The following CCDC188 variants were observed in gnomAD, a reference collection of about 807,000 sequenced individuals.
CCDC188 encodes coiled-coil domain-containing protein 188.
CCDC188 carries 37 observed loss-of-function variants against 50.7 expected under a neutral mutation model. The observed-to-expected ratio is 0.73, with a 90% confidence interval of 0.56 to 0.96. The LOEUF (loss-of-function observed/expected upper bound fraction) is 0.96. Among genes scored for constraint, CCDC188 ranks in the 40% least tolerant of loss-of-function variants. The probability of loss-of-function intolerance (pLI) is 0.00; values close to 1 mark genes in which losing one functional copy is unlikely to be tolerated. For missense variants in CCDC188, 453 were observed against 512.9 expected (o/e 0.88, Z 1.13); for synonymous variants, 208 against 228.0 (o/e 0.91, Z 0.79).
rs951524320 is a variant in CCDC188, at chr22:20,149,301, C to T, written c.915-57G>A. On this transcript the variant is annotated intron_variant, in intron 6 of 8. Transcript: ENST00000439765. ...CCTCCACCCCCAGCCTGGCACCCAC[C>T]CCCTGGCTCGGTGCTGTGGAGGTGG... The T allele has an allele frequency of 1.0e-5, 16 of 1,539,034 alleles. No homozygotes were observed. The African/African-American group carries it at 2.2e-4, about 21-fold the overall frequency.
chr22:20,149,569 G>C lies in CCDC188; in HGVS notation c.849+12C>G. On this transcript the variant is annotated intron_variant, in intron 5 of 8. Transcript: ENST00000439765. ...GCCCCGTCCTTCTGGGTGCTGCCCT[G>C]TGGGGACCTACCAGGAGCCCGGTGG... 1 of 1,550,224 alleles carries C rather than the reference G, an allele frequency of 6.5e-7. No individual in the cohort carries two copies. Among genetic ancestry groups the C allele is most frequent in the Middle Eastern group, 1.7e-4 (1 of 5,992 alleles).
At position 20,149,748 on chromosome 22, in the gene CCDC188, C is replaced by G; in HGVS notation, c.765G>C (p.Glu255Asp). 6.5e-7 allele frequency: 1 copy of G among 1,527,636 alleles called. No individual in the cohort carries two copies. The highest frequency in any genetic ancestry group is 8.8e-7 in the Non-Finnish European group (1 of 1,134,152). The allele number at this position is 1,527,636 out of a possible 1,614,324, so 94.6% of individuals were successfully genotyped here. A position where few individuals can be genotyped will look rare whatever the true frequency, so the allele number is the denominator to read the frequency against. Residue 255 changes from glutamate (E) to aspartate (D), a missense_variant, in exon 4 of 9, where the codon GAG (glutamate) becomes GAC (aspartate). Glu to Asp is a conservative substitution (Grantham distance 45). Coordinates refer to ENST00000439765, the MANE Select transcript of CCDC188 (RefSeq NM_001365892.2). ...NELQQIRLCF[E>D]RKKMVITEVW... The stretch of plus-strand genomic sequence containing the variant: ...CCTCTGTGATGACCATCTTCTTCCT[C>G]TCAAAGCACAGGCGGATCTGCTGCA...
intron 5 of CCDC188, 30 bp downstream of exon 5, chr22:20,149,551 C>T (rs2087280895): frequency 6.5e-7 from 1 of 1,550,060 alleles, no homozygotes; most frequent in Non-Finnish European, 8.7e-7. Context: ...CGGGCCCCGT[C>T]CTTCTGGGTG....
chr22:20,149,886 T>C (rs8142411), intron 3 of CCDC188, 69 bp downstream of exon 3: 110,077 of 1,488,166 alleles, frequency 0.074, 5,973 homozygotes, highest in African/African-American at 0.27. Context: ...CCCTAATGAA[T>C]CCCTCAGGCC....
In CCDC188 at chr22:20,149,454, C is replaced by G; in HGVS notation, c.872G>C (p.Gly291Ala). The G allele has an allele frequency of 1.3e-6, 2 of 1,550,202 alleles. No individual in the cohort carries two copies. Among genetic ancestry groups the G allele is most frequent in the Non-Finnish European group, 1.7e-6 (2 of 1,146,872 alleles). The stretch of plus-strand genomic sequence containing the variant: ...GATGTCCTCCATCTGGTCCAGCACG[C>G]CCCGGATGTCCTTCTTGAGGTTCTG... ...GLLNLKKDIRGVLDQMEDIQL... is the reference protein window; with the variant it reads ...GLLNLKKDIRAVLDQMEDIQL... The change falls in exon 6 of 9, where the codon GGC becomes GCC. Residue 291 changes from glycine (G) to alanine (A), a missense_variant. Transcript: ENST00000439765.
rs175180 is a variant in CCDC188 at position 20,148,585 on chromosome 22, C to T, written c.*29G>A. ...TCCGGGGCAGTGCTGGTCGCCTGGC[C>T]TCCTTGCTGGGGCCGCTGGGCCTCT... On this transcript the variant is annotated 3_prime_UTR_variant, in exon 9 of 9. Transcript: ENST00000439765. The T allele has an allele frequency of 0.037, 56,692 of 1,514,066 alleles. 1,655 individuals are homozygous for T. The highest frequency in any genetic ancestry group is 0.11 in the African/African-American group (7,657 of 71,486). 93.8% of individuals were successfully genotyped at this position (1,514,066 alleles called of 1,614,324 possible). A position where few individuals can be genotyped will look rare whatever the true frequency, so the allele number is the denominator to read the frequency against.
At position 20,148,577 on chromosome 22, in the gene CCDC188, C is replaced by T. The variant is rs1291896375; in HGVS notation, c.*37G>A. The T allele has an allele frequency of 9.3e-6, 14 of 1,505,738 alleles. No individual in the cohort carries two copies. Among genetic ancestry groups the T allele is most frequent in the Admixed American group, 6.7e-5 (3 of 45,046 alleles). 93.3% of individuals were successfully genotyped at this position (1,505,738 alleles called of 1,614,324 possible). On this transcript the variant is annotated 3_prime_UTR_variant, in exon 9 of 9. Coordinates refer to ENST00000439765, the MANE Select transcript of CCDC188 (RefSeq NM_001365892.2). ...ACTGGGCATCCGGGGCAGTGCTGGT[C>T]GCCTGGCCTCCTTGCTGGGGCCGCT... is the stretch of plus-strand genomic sequence containing the variant.
At position 20,150,615 on chromosome 22, in the gene CCDC188, T is replaced by A; in HGVS notation, c.372A>T (p.Ser124=). 4 of 1,543,572 alleles carry A rather than the reference T, an allele frequency of 2.6e-6. No individual in the cohort carries two copies. The highest frequency in any genetic ancestry group is 1.4e-5 in the African/African-American group (1 of 73,008). ...GTGGGCATGGGCAGGGTCTGGTCCC[T>A]GAGCCAATGGATCCCCCCTGCCTGG... is the stretch of plus-strand genomic sequence containing the variant. ...GAPRQGGSIG[S]GTRPCPCPPL... Residue 124 remains serine (S), a synonymous_variant, in exon 1 of 9, where the codon TCA becomes TCT. Transcript: ENST00000439765.
At position 20,149,236 on chromosome 22, in the gene CCDC188, G is replaced by A. The variant is rs2050571998; in HGVS notation, c.923C>T (p.Ala308Val). 2 of 1,492,848 alleles carry A rather than the reference G, an allele frequency of 1.3e-6. No homozygotes were observed. Among genetic ancestry groups the A allele is most frequent in the Non-Finnish European group, 1.8e-6 (2 of 1,118,152 alleles). 92.5% of individuals were successfully genotyped at this position (1,492,848 alleles called of 1,614,324 possible). The change falls in exon 7 of 9, where the codon GCC becomes GTC. Residue 308 changes from alanine (A) to valine (V), a missense_variant. Ala to Val is a moderately conservative substitution (Grantham distance 64). Transcript: ENST00000439765. ...CTTCCTGGCTCGAGTGCGGCACTGG[G>A]CCCGCTCCCTGCGGGGGCCTCACTG... is the stretch of plus-strand genomic sequence containing the variant. ...DIQLEILRER[A>V]QCRTRARKEK...
Position 20,150,191 on chromosome 22 carries a change from C to T in CCDC188, c.579G>A (p.Gln193=), listed in dbSNP as rs186847100. Residue 193 remains glutamine (Q), a synonymous_variant, in exon 2 of 9, where the codon CAG becomes CAA. Transcript: ENST00000439765. ...AGTGTTCGGGACACAGGGGCAGGAA[C>T]TGCTGCCCCGGCCCCAGGAGGGCCC... ...QLGALLGPGQ[Q]FLPLCPEHSS... is the part of the protein sequence containing the mutation. The T allele has an allele frequency of 3.7e-5, 58 of 1,548,596 alleles. No individual in the cohort carries two copies. Among genetic ancestry groups the T allele is most frequent in the Non-Finnish European group, 4.8e-5 (55 of 1,146,058 alleles).
intron 2 of CCDC188, 37 bp downstream of exon 2, chr22:20,150,106 G>C: frequency 6.5e-7 from 1 of 1,540,264 alleles, no homozygotes; most frequent in Non-Finnish European, 8.8e-7. Context: ...GGCTAGAGGG[G>C]CGTTGGCTGC....
rs781743027 is a variant in CCDC188, at chr22:20,149,717, C to T, written c.789+7G>A. The T allele has an allele frequency of 4.7e-5, 73 of 1,537,444 alleles. No homozygotes were observed. The highest frequency in any genetic ancestry group is 6.9e-5 in the African/African-American group (5 of 72,908). On this transcript the variant is annotated splice_region_variant and intron_variant, in intron 4 of 8. Transcript: ENST00000439765. Reference sequence around the variant, plus strand: ...CCAGCACCCCTCCCCCTCAGCCAGGCGGGCACCTCTGTGATGACCATCTTC... The same window carrying T: ...CCAGCACCCCTCCCCCTCAGCCAGGTGGGCACCTCTGTGATGACCATCTTC...
Position 20,148,693 on chromosome 22 carries a change from C to G in CCDC188, c.1130G>C (p.Ser377Thr), listed in dbSNP as rs994750164. 52 of 1,543,696 alleles carry G rather than the reference C, an allele frequency of 3.4e-5. No homozygotes were observed. The highest frequency in any genetic ancestry group is 3.8e-5 in the Non-Finnish European group (44 of 1,144,016). Reference protein sequence around the residue: ...PFEGLVPPLLSRATVWKLRAL... With the variant: ...PFEGLVPPLLTRATVWKLRAL... Reference sequence around the variant, plus strand: ...CCGGAGCTTCCAGACGGTGGCACGGCTCAGCAGGGGTGGCACCAGCCCCTC... The same window carrying G: ...CCGGAGCTTCCAGACGGTGGCACGGGTCAGCAGGGGTGGCACCAGCCCCTC... The change falls in exon 9 of 9, where the codon AGC (serine) becomes ACC (threonine). Residue 377 changes from serine (S) to threonine (T), a missense_variant. Transcript: ENST00000439765.
At position 20,150,551 on chromosome 22, in the gene CCDC188, C is replaced by T; in HGVS notation, c.436G>A (p.Val146Ile). Reference protein sequence around the residue: ...REGGALASPRVALSQLQCGLL... With the variant: ...REGGALASPRIALSQLQCGLL... ...CCGCACTGAAGCTGGGACAGGGCTA[C>T]CCTGGGCGAGGCCAGGGCCCCTCCC... is the stretch of plus-strand genomic sequence containing the variant. Residue 146 changes from valine (V) to isoleucine (I), a missense_variant, in exon 1 of 9, where the codon GTA (valine) becomes ATA (isoleucine). Coordinates refer to ENST00000439765, the MANE Select transcript of CCDC188 (RefSeq NM_001365892.2). 1.3e-6 allele frequency: 2 copies of T among 1,548,894 alleles called. No individual in the cohort carries two copies. The highest frequency in any genetic ancestry group is 1.7e-6 in the Non-Finnish European group (2 of 1,146,152).
At position 20,150,754 on chromosome 22, in the gene CCDC188, AAG is replaced by A; in HGVS notation, c.231_232del (p.Phe78SerfsTer12). Reference sequence around the variant, plus strand: ...CGCTCTCTGCTCCTGGCTGGACAGAAAGAGCCCGGGAGCCTCGCCCTCCACTG... The same window carrying A: ...CGCTCTCTGCTCCTGGCTGGACAGAAAGCCCGGGAGCCTCGCCCTCCACTG... On this transcript the variant is annotated frameshift_variant, in exon 1 of 9. Coordinates refer to ENST00000439765, the MANE Select transcript of CCDC188 (RefSeq NM_001365892.2). LOFTEE classifies it high-confidence loss of function. 1.3e-6 allele frequency: 2 copies of A among 1,550,144 alleles called. No individual in the cohort carries two copies. Among genetic ancestry groups the A allele is most frequent in the Non-Finnish European group, 1.7e-6 (2 of 1,146,790 alleles).
rs1343497878 is a variant in CCDC188, at chr22:20,150,215, C to T, written c.555G>A (p.Gly185=). 4 of 1,548,624 alleles carry T rather than the reference C, an allele frequency of 2.6e-6. No homozygotes were observed. The South Asian group carries it at 3.6e-5, about 14-fold the overall frequency. ...ACTGCTGCCCCGGCCCCAGGAGGGCCCCCAGCTGCTCCCGAAGTTCCTGAT... is the reference window on the plus strand; with the variant it reads ...ACTGCTGCCCCGGCCCCAGGAGGGCTCCCAGCTGCTCCCGAAGTTCCTGAT... The part of the protein sequence containing the change: ...RQNQELREQL[G]ALLGPGQQFL... The change falls in exon 2 of 9, where the codon GGG becomes GGA. Residue 185 remains glycine (G), a synonymous_variant. Coordinates refer to ENST00000439765, the MANE Select transcript of CCDC188 (RefSeq NM_001365892.2).
chr22:20,149,365 CCTT>C (rs2050575321), intron 6 of CCDC188, 44 bp downstream of exon 6: 2 of 1,548,580 alleles, frequency 1.3e-6, no homozygotes, highest in African/African-American at 1.4e-5. Context: ...GACCAGGACA[CCTT>C]CTGAGACCCT....
intron 7 of CCDC188, 44 bp downstream of exon 7, chr22:20,149,143 G>T (rs7291332): frequency 1.6e-5 from 22 of 1,384,710 alleles, no homozygotes; most frequent in African/African-American, 2.9e-5. Flanking sequence ...GGCCCTGGGT[G>T]GGGGGCTGGT....
intron 7 of CCDC188, 86 bp from the exon 8 acceptor site, chr22:20,149,010 C>G: frequency 7.2e-7 from 1 of 1,384,104 alleles, no homozygotes; most frequent in Non-Finnish European, 9.6e-7. Context: ...CCTCCTCAGA[C>G]AGGGCTCCCC....
Sources: gnomAD v4.1 joint callset for allele counts on GRCh38, gnomAD v4.1.1 for gene constraint, MANE v1.5 for transcripts, NCBI Gene and HGNC (gene_info 2026-07-23, HGNC 2026-07-21) for gene names.